Variants in ADAM12 observed in about 807,000 individuals in gnomAD.
ADAM12 encodes the protein disintegrin and metalloproteinase domain-containing protein 12.
Under a neutral mutation model 106.4 loss-of-function variants are expected in ADAM12, and 70 were observed. The ratio of observed to expected loss-of-function variants is 0.66; its 90% CI spans 0.54 to 0.80. The LOEUF (loss-of-function observed/expected upper bound fraction) is 0.80. ADAM12 is among the 30% of genes least tolerant of loss of function. The probability of loss-of-function intolerance (pLI) is 0.00; values close to 1 mark genes in which losing one functional copy is unlikely to be tolerated. For missense variants in ADAM12, 1,010 were observed against 1,171.9 expected, an observed-to-expected ratio of 0.86 and a Z score of 2.02; for synonymous variants, 420 against 433.5, an observed-to-expected ratio of 0.97 and a Z score of 0.39.
chr10:126,355,797 C>T (rs894868197), intron 1 of ADAM12, among the ~76,000 whole-genome samples: 6 of 152,194 alleles, frequency 3.9e-5, no homozygotes, highest in African/African-American at 1.4e-4. Context: ...GGAGACAGGG[C>T]CCACAGCAGA....
chr10:126,215,335 C>T (rs2133843351), intron 3 of ADAM12, among the ~76,000 whole-genome samples: 1 of 152,334 alleles, frequency 6.6e-6, no homozygotes, highest in African/African-American at 2.4e-5. Context: ...GTGCCTTCCT[C>T]TTTCCTGTGG....
rs115932907 is a variant in ADAM12 at position 126,215,653 on chromosome 10, G to A, written c.261-60348C>T. Reference sequence around the variant, plus strand: ...GGAGAAGAGAGCAGGCACATCCATTGGAAGGTGGAGGGCAGAACTCAATGA... The same window carrying A: ...GGAGAAGAGAGCAGGCACATCCATTAGAAGGTGGAGGGCAGAACTCAATGA... On this transcript the variant is annotated intron_variant, in intron 3 of 22. Transcript: ENST00000448723. Among the ~76,000 whole-genome samples the A allele has an allele frequency of 8.3e-3, 1,261 of 152,306 alleles. 14 individuals carry two copies. Among genetic ancestry groups the A allele is most frequent in the African/African-American group, 0.028 (1,172 of 41,558 alleles).
At chr10:126,077,941 A>G (rs986213253) in intron 11 of ADAM12, among the ~76,000 whole-genome samples, 4 of 152,152 alleles carry the variant, frequency 2.6e-5, no homozygotes, top group African/African-American at 9.7e-5. Flanking sequence ...AGCAAACCCA[A>G]TGACTGCCCC....
At chr10:126,264,210 A>G (rs1165521050) in intron 3 of ADAM12, among the ~76,000 whole-genome samples, 1 of 152,222 alleles carries the variant, frequency 6.6e-6, no homozygotes, top group Non-Finnish European at 1.5e-5. Flanking sequence ...TGTGATGCTG[A>G]TATTTGCTTA....
chr10:126,208,965 T>C (rs1233115777), intron 3 of ADAM12, among the ~76,000 whole-genome samples: 2 of 152,174 alleles, frequency 1.3e-5, no homozygotes, highest in Non-Finnish European at 1.5e-5. Flanking sequence ...CGTAAGAATG[T>C]TCTCTGAGAA....
At chr10:126,343,276 G>A (rs1349104872) in intron 1 of ADAM12, among the ~76,000 whole-genome samples, 1 of 151,152 alleles carries the variant, frequency 6.6e-6, no homozygotes, top group Non-Finnish European at 1.5e-5. Flanking sequence ...AGAACATGCG[G>A]TGTTTGGTTT....
intron 3 of ADAM12, among the ~76,000 whole-genome samples, chr10:126,241,067 AAAC>A (rs68035051): frequency 0.21 from 32,452 of 152,122 alleles, 3,578 homozygotes; most frequent in African/African-American, 0.27. Flanking sequence ...TACATGCTAC[AAAC>A]AACATGGATG....
intron 16 of ADAM12, among the ~76,000 whole-genome samples, chr10:126,046,756 T>C (rs1954332766): frequency 7.7e-6 from 1 of 129,450 alleles, no homozygotes; most frequent in Non-Finnish European, 1.5e-5. Flanking sequence ...TGAGCCGAGA[T>C]CATGCTACTG....
chr10:126,209,996 C>T (rs116750961), intron 3 of ADAM12, among the ~76,000 whole-genome samples: 81 of 152,332 alleles, frequency 5.3e-4, no homozygotes, highest in African/African-American at 1.9e-3. Flanking sequence ...TGCAGACTCA[C>T]ATAACTACAT....
chr10:126,333,069 C>T (rs561939594), intron 1 of ADAM12, among the ~76,000 whole-genome samples: 21 of 152,314 alleles, frequency 1.4e-4, no homozygotes, highest in African/African-American at 3.8e-4. Flanking sequence ...AACCACACCA[C>T]GCCGAGAGTT....
chr10:126,275,608 C>T (rs1298269178), intron 3 of ADAM12, among the ~76,000 whole-genome samples: 1 of 152,156 alleles, frequency 6.6e-6, no homozygotes, highest in Non-Finnish European at 1.5e-5. Flanking sequence ...GGTTTCTAAG[C>T]AGGTTTTTCA....
rs779900624 is a variant in ADAM12 at position 126,066,754 on chromosome 10, G to C, written c.1376C>G (p.Ala459Gly). The change falls in exon 13 of 23, where the codon GCT (alanine) becomes GGT (glycine). Residue 459 changes from alanine (A) to glycine (G), a missense_variant. By Grantham distance (60) the Ala-to-Gly change is moderately conservative. This residue lies in a region of ADAM12 where 615 missense variants were observed against 708.5 expected (regional missense o/e 0.87). Coordinates refer to ENST00000448723, the MANE Select transcript of ADAM12 (RefSeq NM_001288973.2). This position sits in a 1 kb window ranked among gnomAD's most constrained non-coding sequence, Gnocchi z 5.1. ...ACAGCACAGCCCATGTGCGCACACA[G>C]CGTCCGGCTTCAGGGTACAGGTGGT... The part of the protein sequence containing the change: ...NATTCTLKPD[A>G]VCAHGLCCED... The C allele has an allele frequency of 3.1e-6, 5 of 1,614,072 alleles. No homozygotes were observed. In the South Asian group the frequency reaches 5.5e-5, roughly 18 times the overall value.
intron 3 of ADAM12, among the ~76,000 whole-genome samples, chr10:126,171,090 A>AT (rs2133762980): frequency 6.6e-6 from 1 of 152,234 alleles, no homozygotes; most frequent in South Asian, 2.1e-4. Flanking sequence ...GTAAATTGAC[A>AT]TTTTCCCCAG....
chr10:126,125,309 A>T (rs1956187199), intron 5 of ADAM12, among the ~76,000 whole-genome samples: 1 of 141,910 alleles, frequency 7.0e-6, no homozygotes, highest in South Asian at 2.2e-4. Context: ...CAGTGGCGTG[A>T]TCTCAGCTCA....
chr10:126,347,584 A>T lies in ADAM12; in HGVS notation c.89-17075T>A, dbSNP rs548818169. 1.7e-3 allele frequency among the ~76,000 whole-genome samples: 257 copies of T among 152,228 alleles called. 7 individuals are homozygous for T. The highest frequency in any genetic ancestry group is 9.3e-3 in the South Asian group (45 of 4,824). On this transcript the variant is annotated intron_variant, in intron 1 of 22. Coordinates refer to ENST00000448723, the MANE Select transcript of ADAM12 (RefSeq NM_001288973.2). ...ATGTTGGCCTGCCTTGTCAATAGCC[A>T]ATCATTATAAAGAGAAAGCCCTACA...
At position 126,013,588 on chromosome 10, in the gene ADAM12, G is replaced by C. The variant is rs1953605556; in HGVS notation, c.*3691C>G. ...GTAGGGATAGCCACACACTGCAGCAGTCACCACTTTGGCTGATCTAAAGTA... is the reference window on the plus strand; with the variant it reads ...GTAGGGATAGCCACACACTGCAGCACTCACCACTTTGGCTGATCTAAAGTA... On this transcript the variant is annotated 3_prime_UTR_variant, in exon 23 of 23. Coordinates refer to ENST00000448723, the MANE Select transcript of ADAM12 (RefSeq NM_001288973.2). This position sits in a 1 kb window ranked among gnomAD's most constrained non-coding sequence, Gnocchi z 4.3. 1 of 152,264 alleles carries C rather than the reference G, an allele frequency of 6.6e-6. No individual in the cohort carries two copies. Among genetic ancestry groups the C allele is most frequent in the African/African-American group, 2.4e-5 (1 of 41,444 alleles). The allele number at this position is 152,264 out of a possible 1,614,324, so 9.4% of individuals were successfully genotyped here.
At chr10:126,061,539 G>A (rs1954755555) in intron 14 of ADAM12, among the ~76,000 whole-genome samples, 1 of 152,164 alleles carries the variant, frequency 6.6e-6, no homozygotes, top group Admixed American at 6.5e-5. Context: ...GGATCTTGAG[G>A]TGGGGAGATC....
intron 4 of ADAM12, among the ~76,000 whole-genome samples, chr10:126,153,429 G>C (rs1415365314): frequency 6.6e-6 from 1 of 152,142 alleles, no homozygotes; most frequent in Non-Finnish European, 1.5e-5. Flanking sequence ...TTTTCCTCAA[G>C]ACTCATGTCT....
At chr10:126,109,943 C>G (rs575625635) in intron 6 of ADAM12, 103 bp from the exon 7 acceptor site, 9 of 1,083,852 alleles carry the variant, frequency 8.3e-6, no homozygotes, top group Middle Eastern at 2.1e-4. Context: ...ATGTATATCC[C>G]CCATCCCCGC....
Sources: allele counts gnomAD v4.1 joint callset (sites outside exome capture counted in the v4.1 genomes callset), GRCh38; gene constraint gnomAD v4.1.1; regional missense constraint gnomAD v4.1.1; non-coding constraint Gnocchi (gnomAD v3.1); transcripts MANE v1.5; gene names NCBI Gene and HGNC (gene_info 2026-07-23, HGNC 2026-07-21).